Variants in PPP2R2B observed in about 807,000 individuals in gnomAD.
PPP2R2B encodes protein phosphatase 2 regulatory subunit Bbeta, also known as serine/threonine-protein phosphatase 2A 55 kDa regulatory subunit B beta isoform.
Under a neutral mutation model 46.0 loss-of-function variants are expected in PPP2R2B, and 5 were observed. The ratio of observed to expected loss-of-function variants is 0.11; its 90% CI spans 0.06 to 0.23. PPP2R2B has a LOEUF of 0.23. PPP2R2B is among the 10% of genes least tolerant of loss of function. The pLI, the probability that PPP2R2B is intolerant of heterozygous loss-of-function variation, is 1.00. For missense variants in PPP2R2B, 367 were observed against 575.0 expected, an observed-to-expected ratio of 0.64 and a Z score of 3.70; for synonymous variants, 215 against 206.7, an observed-to-expected ratio of 1.04 and a Z score of -0.34.
chr5:147,041,703 G>T (rs1429937273), intron 1 of PPP2R2B, among the ~76,000 whole-genome samples: 1 of 152,074 alleles, frequency 6.6e-6, no homozygotes, highest in Non-Finnish European at 1.5e-5. Flanking sequence ...CTTTAGGGGG[G>T]CTGTAAGTCC....
intron 2 of PPP2R2B, among the ~76,000 whole-genome samples, chr5:146,853,672 T>C (rs1260743286): frequency 1.3e-5 from 2 of 152,152 alleles, no homozygotes; most frequent in Admixed American, 6.6e-5. Flanking sequence ...GCTATCATTT[T>C]TTTTTTCCAC....
chr5:146,877,523 T>C (rs367655244), intron 2 of PPP2R2B, among the ~76,000 whole-genome samples: 1 of 152,080 alleles, frequency 6.6e-6, no homozygotes, highest in Admixed American at 6.5e-5. Context: ...GGGTTTTGAT[T>C]GTCTAAGCAG....
chr5:146,590,614 C>T (rs1467960078), intron 9 of PPP2R2B, among the ~76,000 whole-genome samples: 1 of 152,066 alleles, frequency 6.6e-6, no homozygotes, highest in Non-Finnish European at 1.5e-5. Flanking sequence ...TCGAAGTAGA[C>T]ACACTTTTGA....
Position 146,584,476 on chromosome 5 carries a change from G to A in PPP2R2B, c.*5471C>T, listed in dbSNP as rs548247381. ...AAAATAATCAAGCCAAGGTAACTCT[G>A]CATTACCAATAACTGTGATGGAAGA... On this transcript the variant is annotated 3_prime_UTR_variant, in exon 10 of 10. Coordinates refer to ENST00000394411, the MANE Select transcript of PPP2R2B (RefSeq NM_181675.4). The A allele has an allele frequency of 6.6e-6, 1 of 152,290 alleles. No individual in the cohort carries two copies. The highest frequency in any genetic ancestry group is 1.9e-4 in the East Asian group (1 of 5,184). The allele number at this position is 152,290 out of a possible 1,614,324, so 9.4% of individuals were successfully genotyped here. A position where few individuals can be genotyped will look rare whatever the true frequency, so the allele number is the denominator to read the frequency against.
At position 146,584,719 on chromosome 5, in the gene PPP2R2B, A is replaced by G. The variant is rs954769542; in HGVS notation, c.*5228T>C. 1 of 152,252 alleles carries G rather than the reference A, an allele frequency of 6.6e-6. No homozygotes were observed. Among genetic ancestry groups the G allele is most frequent in the African/African-American group, 2.4e-5 (1 of 41,464 alleles). 9.4% of individuals were successfully genotyped at this position (152,252 alleles called of 1,614,324 possible). On this transcript the variant is annotated 3_prime_UTR_variant, in exon 10 of 10. Transcript: ENST00000394411. Reference sequence around the variant, plus strand: ...TTCTTTCCGTCTACTTTACACTTAAATACAGTGCTTAAAATAAGGTTTAAT... The same window carrying G: ...TTCTTTCCGTCTACTTTACACTTAAGTACAGTGCTTAAAATAAGGTTTAAT...
Position 147,015,749 on chromosome 5 carries a change from TTAATA to T in PPP2R2B, c.79+39911_79+39915del, listed in dbSNP as rs950955924. 1.6e-3 allele frequency among the ~76,000 whole-genome samples: 235 copies of T among 149,628 alleles called. 3 individuals carry two copies. The highest frequency in any genetic ancestry group is 5.1e-3 in the African/African-American group (208 of 41,188). ...GAATGCTAATATAGTTAATATATTC[TTAATA>T]TAATATAATATAAAATAATGTAATA... is the stretch of plus-strand genomic sequence containing the variant. On this transcript the variant is annotated intron_variant, in intron 1 of 8. Transcript: ENST00000336640.
chr5:146,796,238 T>C (rs1756528140), intron 2 of PPP2R2B, among the ~76,000 whole-genome samples: 1 of 152,166 alleles, frequency 6.6e-6, no homozygotes. Flanking sequence ...ATCTTCATGA[T>C]AGGTCCACGT....
intron 2 of PPP2R2B, among the ~76,000 whole-genome samples, chr5:146,783,691 T>C (rs973676839): frequency 6.6e-6 from 1 of 152,176 alleles, no homozygotes; most frequent in African/African-American, 2.4e-5. Context: ...GGTCAACAGA[T>C]ACAAGATTGC....
intron 2 of PPP2R2B, among the ~76,000 whole-genome samples, chr5:146,851,149 T>A (rs1760325194): frequency 6.6e-6 from 1 of 152,162 alleles, no homozygotes; most frequent in East Asian, 1.9e-4. Flanking sequence ...AGGTTCACAA[T>A]GGTGCCAATC....
intron 2 of PPP2R2B, among the ~76,000 whole-genome samples, chr5:146,770,629 T>C (rs1754793650): frequency 1.3e-5 from 2 of 152,178 alleles, no homozygotes; most frequent in African/African-American, 2.4e-5. Flanking sequence ...TGCACTATGA[T>C]ACTAAGAGAA....
At chr5:146,824,328 T>C (rs1201562690) in intron 2 of PPP2R2B, among the ~76,000 whole-genome samples, 1 of 152,160 alleles carries the variant, frequency 6.6e-6, no homozygotes, top group African/African-American at 2.4e-5. Context: ...TGGTAGTGAG[T>C]TTGCCTCAAT....
rs193278568 is a variant in PPP2R2B, at chr5:146,668,553, G to A, written c.448-17829C>T. On this transcript the variant is annotated intron_variant, in intron 5 of 9. Transcript: ENST00000394411. ...TTTATCCTGAACTGAAGAAAATTAC[G>A]TAATTACTTCTTCTGGAACAACACA... Among the ~76,000 whole-genome samples, 165 of 152,208 alleles carry A rather than the reference G, an allele frequency of 1.1e-3. 1 individual carries two copies. The highest frequency in any genetic ancestry group is 4.4e-4 in the Non-Finnish European group (30 of 67,998).
intron 7 of PPP2R2B, among the ~76,000 whole-genome samples, chr5:146,635,034 G>T (rs1774716430): frequency 6.6e-6 from 1 of 152,174 alleles, no homozygotes; most frequent in Non-Finnish European, 1.5e-5. Flanking sequence ...GTGAATAATT[G>T]TGATAACTGC....
intron 2 of PPP2R2B, among the ~76,000 whole-genome samples, chr5:146,752,245 A>C (rs1753599457): frequency 1.3e-5 from 2 of 152,038 alleles, no homozygotes; most frequent in Non-Finnish European, 2.9e-5. Flanking sequence ...GGAGTATGAG[A>C]GGAAGGAGTC....
At chr5:146,767,536 A>ACATACATT (rs1277032931) in intron 2 of PPP2R2B, among the ~76,000 whole-genome samples, 1 of 151,682 alleles carries the variant, frequency 6.6e-6, no homozygotes, top group African/African-American at 2.4e-5. Context: ...ATACACACAT[A>ACATACATT]CATACACACA....
chr5:146,782,208 T>C (rs1002871395), intron 2 of PPP2R2B, among the ~76,000 whole-genome samples: 9 of 152,200 alleles, frequency 5.9e-5, no homozygotes, highest in Admixed American at 5.2e-4. Flanking sequence ...AAACCTCATT[T>C]GTTTATAAAT....
At chr5:146,732,493 C>T (rs1340564758) in intron 2 of PPP2R2B, among the ~76,000 whole-genome samples, 2 of 152,088 alleles carry the variant, frequency 1.3e-5, no homozygotes, top group African/African-American at 2.4e-5. Flanking sequence ...AAATCAGGAA[C>T]AAAGGGCAAT....
intron 1 of PPP2R2B, among the ~76,000 whole-genome samples, chr5:146,886,709 A>G (rs2915840): frequency 0.43 from 64,735 of 151,932 alleles, 14,371 homozygotes; most frequent in East Asian, 0.72. Flanking sequence ...TAAAAGGAAT[A>G]TATCAAAATA....
At chr5:146,647,421 A>T (rs1392114466) in intron 6 of PPP2R2B, among the ~76,000 whole-genome samples, 1 of 152,188 alleles carries the variant, frequency 6.6e-6, no homozygotes, top group Non-Finnish European at 1.5e-5. Flanking sequence ...AGAGGTGGCT[A>T]TACTTCAGTG....
Sources: allele counts gnomAD v4.1 joint callset (sites outside exome capture counted in the v4.1 genomes callset), GRCh38; gene constraint gnomAD v4.1.1; transcripts MANE v1.5; gene names NCBI Gene and HGNC (gene_info 2026-07-23, HGNC 2026-07-21).